The following STAT6 variants were observed in gnomAD, a reference collection of about 807,000 sequenced individuals.
STAT6 encodes the protein STAT, interleukin4-induced.
Under a neutral mutation model 106.3 loss-of-function variants are expected in STAT6, and 45 were observed. That is an observed-to-expected ratio of 0.42 (90% CI 0.33 to 0.54). STAT6 has a LOEUF of 0.54. STAT6 is among the 20% of genes least tolerant of loss of function. STAT6 has a pLI of 0.06. For synonymous variants in STAT6, 413 were observed against 413.6 expected (o/e 1.00, Z 0.02); for missense variants, 797 against 1,062.2 (o/e 0.75, Z 3.47).
rs1353326787 is a variant in STAT6 at position 57,099,783 on chromosome 12, G to A, written c.1728C>T (p.Val576=). Residue 576 remains valine, a synonymous_variant, in exon 15 of 22, where the codon GTC becomes GTT. Transcript: ENST00000300134. This position sits in a 1 kb window ranked among gnomAD's most constrained non-coding sequence, Gnocchi z 4.7. ...TGGCCTCACCATCCTGGCCCCGGAT[G>A]ACATGGGCAATGGTGATGCCCCCAA... ...SEIGGITIAH[V]IRGQDGSPQI... is the part of the protein sequence containing the mutation. 6 of 1,614,016 alleles carry A rather than the reference G, an allele frequency of 3.7e-6. No individual in the cohort carries two copies. The highest frequency in any genetic ancestry group is 4.2e-6 in the Non-Finnish European group (5 of 1,179,962).
chr12:57,107,031 G>A (rs990425403), intron 4 of STAT6, among the ~76,000 whole-genome samples, 200 bp from the exon 5 acceptor site: 2 of 152,078 alleles, frequency 1.3e-5, no homozygotes, highest in Non-Finnish European at 2.9e-5. Context: ...TGTTCTCCCC[G>A]GCCTCTTACC....
At chr12:57,101,279 G>A (rs2033912415) in intron 13 of STAT6, among the ~76,000 whole-genome samples, 2 of 151,916 alleles carry the variant, frequency 1.3e-5, no homozygotes, top group African/African-American at 2.4e-5. Flanking sequence ...AGTAGAGACG[G>A]GGTTTCACCA....
At chr12:57,101,300 G>A (rs984908477) in intron 13 of STAT6, among the ~76,000 whole-genome samples, 4 of 151,742 alleles carry the variant, frequency 2.6e-5, no homozygotes, top group African/African-American at 7.3e-5. Context: ...TGTTGGTCAG[G>A]ATGGTCTCGA....
chr12:57,108,219 G>T lies in STAT6; in HGVS notation c.60C>A (p.Val20=). The stretch of plus-strand genomic sequence containing the variant: ...GATGCCGCAGGTGTTGGGGAAAGTC[G>T]ACATAGAGCCGCTGCACTTTTTCTG... ...MPPEKVQRLY[V]DFPQHLRHLL... The change falls in exon 2 of 22, where the codon GTC becomes GTA. Residue 20 remains valine, a synonymous_variant. Coordinates refer to ENST00000300134, the MANE Select transcript of STAT6 (RefSeq NM_003153.5). 1 of 1,613,074 alleles carries T rather than the reference G, an allele frequency of 6.2e-7. No homozygotes were observed. Among genetic ancestry groups the T allele is most frequent in the South Asian group, 1.1e-5 (1 of 90,810 alleles).
rs200069633 is a variant in STAT6 at position 57,098,510 on chromosome 12, G to A, written c.2154C>T (p.Phe718=). ...PEESVNVLSA[F]QEPHLQMPPS... ...CCATGAGGTTTTTCACTTACTCCTG[G>A]AAGGCTGACAACACGTTGACTGATT... Residue 718 remains phenylalanine, a synonymous_variant, in exon 19 of 22, where the codon TTC becomes TTT. Coordinates refer to ENST00000300134, the MANE Select transcript of STAT6 (RefSeq NM_003153.5). 2.0e-4 allele frequency: 328 copies of A among 1,614,154 alleles called. 4 individuals carry two copies. The East Asian group carries it at 7.2e-3, about 35-fold the overall frequency.
intron 13 of STAT6, chr12:57,100,783 A>G (rs2033877555): frequency 2.5e-6 from 1 of 401,422 alleles, no homozygotes; most frequent in South Asian, 1.9e-5. Context: ...ATAACATAAT[A>G]TAACATAAAA....
Position 57,106,775 on chromosome 12 carries a change from T to C in STAT6, c.396A>G (p.Thr132=). ...CTCGGTGCTGCAGCCTCCGCAAGCC[T>C]GTCTTAAACTTGAGTTCTTCCTGCT... ...HWKQEELKFK[T]GLRRLQHRVG... Residue 132 remains threonine, a synonymous_variant, in exon 5 of 22, where the codon ACA becomes ACG. Transcript: ENST00000300134. The C allele has an allele frequency of 1.9e-6, 3 of 1,614,194 alleles. No individual in the cohort carries two copies. Among genetic ancestry groups the C allele is most frequent in the Non-Finnish European group, 2.5e-6 (3 of 1,180,040 alleles).
chr12:57,104,536 T>C lies in STAT6; in HGVS notation c.1140A>G (p.Thr380=), dbSNP rs375907342. 1 of 1,613,962 alleles carries C rather than the reference T, an allele frequency of 6.2e-7. No homozygotes were observed. Among genetic ancestry groups the C allele is most frequent in the Admixed American group, 1.7e-5 (1 of 59,998 alleles). The change falls in exon 11 of 22, where the codon ACA becomes ACG. Residue 380 remains threonine, a synonymous_variant. Coordinates refer to ENST00000300134, the MANE Select transcript of STAT6 (RefSeq NM_003153.5). ...RCERKGTESV[T]EEKCAVLFSA... is the part of the protein sequence containing the mutation. ...AGAAGAGCACAGCGCACTTCTCCTC[T>C]GTGACAGACTCAGTGCCCTTCCGCT...
chr12:57,100,941 G>A (rs944777950), intron 13 of STAT6: 9 of 450,880 alleles, frequency 2.0e-5, no homozygotes, highest in African/African-American at 6.0e-5. Flanking sequence ...TCAAAGAGAT[G>A]TTGGGAGGAT....
At position 57,100,638 on chromosome 12, in the gene STAT6, GAGAAAGAAAGAAAGAA is replaced by G. The variant is rs201086579; in HGVS notation, c.1513-564_1513-549del. 2.2e-3 allele frequency among the ~76,000 whole-genome samples: 217 copies of G among 100,096 alleles called. 3 individuals are homozygous for G. The highest frequency in any genetic ancestry group is 0.019 in the Middle Eastern group (4 of 216). 65.7% of individuals were successfully genotyped at this position (100,096 alleles called of 152,430 possible). A position where few individuals can be genotyped will look rare whatever the true frequency, so the allele number is the denominator to read the frequency against. On this transcript the variant is annotated intron_variant, in intron 13 of 21. Coordinates refer to ENST00000300134, the MANE Select transcript of STAT6 (RefSeq NM_003153.5). ...AGAAAGAAAAAGAGAGAAAGAGAAA[GAGAAAGAAAGAAAGAA>G]AGAAAGAAAGAAAGAAAGAAAGAAA...
At chr12:57,104,976 C>G (rs899038905) in intron 9 of STAT6, among the ~76,000 whole-genome samples, 163 bp from the exon 10 acceptor site, 1 of 151,994 alleles carries the variant, frequency 6.6e-6, no homozygotes, top group Non-Finnish European at 1.5e-5. Context: ...TCATGATGCC[C>G]CCACCCCATT....
At chr12:57,100,524 G>T (rs544536901) in intron 13 of STAT6, among the ~76,000 whole-genome samples, 4 of 151,844 alleles carry the variant, frequency 2.6e-5, no homozygotes, top group Non-Finnish European at 5.9e-5. Context: ...TAACCTGCTG[G>T]GTGTGACTGT....
intron 13 of STAT6, among the ~76,000 whole-genome samples, chr12:57,101,960 G>A (rs1441571233): frequency 1.3e-5 from 2 of 152,150 alleles, no homozygotes; most frequent in Admixed American, 6.5e-5. Context: ...CGCTGTGCCC[G>A]GCCAGGAACT....
Position 57,107,712 on chromosome 12 carries a change from A to G in STAT6, c.148T>C (p.Cys50Arg). ...EFLVGSDAFCCNLASALLSDT... is the reference protein window; with the variant it reads ...EFLVGSDAFCRNLASALLSDT... Reference sequence around the variant, plus strand: ...GAAAGTAGGGCACTAGCCAAGTTGCAGCAGAAGGCGTCGGAGCCGACCAGG... The same window carrying G: ...GAAAGTAGGGCACTAGCCAAGTTGCGGCAGAAGGCGTCGGAGCCGACCAGG... Residue 50 changes from cysteine to arginine, a missense_variant, in exon 3 of 22, where the codon TGC (cysteine) becomes CGC (arginine). Physicochemically the swap from Cys to Arg is radical, Grantham distance 180. This residue lies in a region of STAT6 where 336 missense variants were observed against 429.8 expected (regional missense o/e 0.78). Coordinates refer to ENST00000300134, the MANE Select transcript of STAT6 (RefSeq NM_003153.5). The G allele has an allele frequency of 6.2e-7, 1 of 1,614,104 alleles. No individual in the cohort carries two copies. The highest frequency in any genetic ancestry group is 8.5e-7 in the Non-Finnish European group (1 of 1,180,048).
In STAT6 at chr12:57,096,958, G is replaced by C. The variant is rs1018001291; in HGVS notation, c.2246C>G (p.Pro749Arg). Residue 749 changes from proline (P) to arginine (R), a missense_variant, in exon 21 of 22, where the codon CCT (proline) becomes CGT (arginine). By Grantham distance (103) the Pro-to-Arg change is moderately radical. This residue lies in a region of STAT6 where 226 missense variants were observed against 236.7 expected (regional missense o/e 0.95). Coordinates refer to ENST00000300134, the MANE Select transcript of STAT6 (RefSeq NM_003153.5). ...PHPQGLLPCQ[P>R]QEHAVSSPDP... Reference sequence around the variant, plus strand: ...AGGGCTGGACACAGCATGCTCCTGAGGCTGGCACGGCAGCAGGCCCCTGCC... The same window carrying C: ...AGGGCTGGACACAGCATGCTCCTGACGCTGGCACGGCAGCAGGCCCCTGCC... The C allele has an allele frequency of 6.2e-7, 1 of 1,613,758 alleles. No homozygotes were observed. The highest frequency in any genetic ancestry group is 2.2e-5 in the East Asian group (1 of 44,874).
chr12:57,098,447 A>C lies in STAT6; in HGVS notation c.2159+58T>G. On this transcript the variant is annotated intron_variant, in intron 19 of 21. Transcript: ENST00000300134. ...TTCTCACAGAAGAGCCTCTTCTAAC[A>C]ATTCAAATGCCCACCCCCTTAGAGT... 3 of 1,545,458 alleles carry C rather than the reference A, an allele frequency of 1.9e-6. No homozygotes were observed. The East Asian group carries it at 6.7e-5, about 35-fold the overall frequency.
chr12:57,106,837 C>A lies in STAT6; in HGVS notation c.340-6G>T, dbSNP rs765983362. 4 of 1,613,462 alleles carry A rather than the reference C, an allele frequency of 2.5e-6. No homozygotes were observed. Among genetic ancestry groups the A allele is most frequent in the East Asian group, 2.2e-5 (1 of 44,892 alleles). ...GGCATTGGCAAGTGGCGGAACTACACAGGAAGGACAGATGCCAAGAAGTGA... is the reference window on the plus strand; with the variant it reads ...GGCATTGGCAAGTGGCGGAACTACAAAGGAAGGACAGATGCCAAGAAGTGA... On this transcript the variant is annotated splice_region_variant and splice_polypyrimidine_tract_variant and intron_variant, in intron 4 of 21. Transcript: ENST00000300134.
At chr12:57,100,501 G>A (rs376006026) in intron 13 of STAT6, among the ~76,000 whole-genome samples, 16 of 152,082 alleles carry the variant, frequency 1.1e-4, no homozygotes, top group African/African-American at 2.9e-4. Flanking sequence ...CAGAGGTGAC[G>A]CCCAAAGGAA....
chr12:57,102,741 GC>G, intron 12 of STAT6, 87 bp downstream of exon 12: 1 of 1,161,796 alleles, frequency 8.6e-7, no homozygotes, highest in Non-Finnish European at 1.3e-6. Flanking sequence ...ATTTAAACAT[GC>G]CCACCACCCC....
Sources: allele counts gnomAD v4.1 joint callset (sites outside exome capture counted in the v4.1 genomes callset), GRCh38; gene constraint gnomAD v4.1.1; regional missense constraint gnomAD v4.1.1; non-coding constraint Gnocchi (gnomAD v3.1); transcripts MANE v1.5; gene names NCBI Gene and HGNC (gene_info 2026-07-23, HGNC 2026-07-21).